The following EYA4 variants were observed in gnomAD, a reference collection of about 807,000 sequenced individuals.
The protein encoded by EYA4 is EYA transcriptional coactivator and phosphatase 4.
A neutral mutation model predicts 87.9 loss-of-function variants in EYA4; 31 were observed. The observed-to-expected ratio is 0.35, with a 90% CI of 0.27 to 0.48. EYA4 has a LOEUF of 0.48. Ranked by LOEUF, EYA4 falls within the 20% of genes least tolerant of loss-of-function variation. EYA4 has a pLI of 0.99. For synonymous variants in EYA4, 263 were observed against 270.6 expected (o/e 0.97, Z 0.28); for missense variants, 678 against 761.4 (o/e 0.89, Z 1.29).
chr6:133,492,412 A>AT (rs1797247875), intron 13 of EYA4, among the ~76,000 whole-genome samples: 1 of 151,488 alleles, frequency 6.6e-6, no homozygotes, highest in Non-Finnish European at 1.5e-5. Flanking sequence ...TCCTTTGCTG[A>AT]TAAAAAAAAT....
intron 1 of EYA4, among the ~76,000 whole-genome samples, chr6:133,241,953 C>T (rs560581849): frequency 7.2e-5 from 11 of 152,282 alleles, no homozygotes; most frequent in African/African-American, 2.4e-4. Context: ...CCTGAGGGCC[C>T]GGGCCGCTCG....
intron 2 of EYA4, chr6:133,360,467 A>T (rs1226893494): frequency 2.0e-5 from 3 of 152,240 alleles, no homozygotes; most frequent in Non-Finnish European, 4.4e-5. Context: ...ACATCTGAGT[A>T]CCTACTGTAT....
intron 13 of EYA4, among the ~76,000 whole-genome samples, chr6:133,501,410 C>T (rs1165896904): frequency 1.3e-5 from 2 of 151,972 alleles, no homozygotes; most frequent in Non-Finnish European, 2.9e-5. Context: ...TAATTAGTCA[C>T]TCAATAAATA....
intron 2 of EYA4, among the ~76,000 whole-genome samples, chr6:133,309,813 C>T (rs79819464): frequency 0.015 from 2,302 of 152,200 alleles, 58 homozygotes; most frequent in East Asian, 0.067. Flanking sequence ...TTGTAATGTA[C>T]GGTCTGTCTG....
intron 3 of EYA4, among the ~76,000 whole-genome samples, chr6:133,435,956 C>T (rs7450660): frequency 6.6e-6 from 1 of 152,132 alleles, no homozygotes; most frequent in African/African-American, 2.4e-5. Context: ...CGCGGTGGCT[C>T]ACACCTGTAA....
chr6:133,254,993 C>T (rs941843262), intron 1 of EYA4, among the ~76,000 whole-genome samples: 4 of 152,158 alleles, frequency 2.6e-5, no homozygotes, highest in Non-Finnish European at 5.9e-5. Flanking sequence ...CACTCATCAG[C>T]GATGTGACTT....
chr6:133,302,497 C>T (rs914900993), intron 2 of EYA4, among the ~76,000 whole-genome samples: 5 of 152,110 alleles, frequency 3.3e-5, no homozygotes, highest in African/African-American at 7.2e-5. Context: ...CTTATTCAGC[C>T]AGAAGCTTTG....
chr6:133,465,589 G>A (rs555078930), intron 10 of EYA4, among the ~76,000 whole-genome samples: 81 of 152,234 alleles, frequency 5.3e-4, no homozygotes, highest in African/African-American at 1.9e-3. Flanking sequence ...CGTGATATAT[G>A]TTGACACTTC....
At chr6:133,373,588 C>T (rs1183844468) in intron 2 of EYA4, among the ~76,000 whole-genome samples, 1 of 151,978 alleles carries the variant, frequency 6.6e-6, no homozygotes, top group Non-Finnish European at 1.5e-5. Context: ...ACCAAATTAA[C>T]ATTATGATCA....
intron 2 of EYA4, among the ~76,000 whole-genome samples, chr6:133,354,956 C>T (rs1239501163): frequency 6.6e-6 from 1 of 152,108 alleles, no homozygotes; most frequent in Non-Finnish European, 1.5e-5. Context: ...TGATTTTCCC[C>T]AGAACTTCTC....
At chr6:133,321,190 C>G (rs1781062608) in intron 2 of EYA4, among the ~76,000 whole-genome samples, 1 of 152,188 alleles carries the variant, frequency 6.6e-6, no homozygotes, top group African/African-American at 2.4e-5. Flanking sequence ...TTGCTACTTA[C>G]TTAACTTTGT....
At position 133,348,304 on chromosome 6, in the gene EYA4, C is replaced by T. The variant is rs190973844; in HGVS notation, c.34-34088C>T. ...TTTTTTTTTTTTGGAGACAGAGTCT[C>T]GCTCTGTTGCCCAGGCTGGAGTGCA... On this transcript the variant is annotated intron_variant, in intron 2 of 19. Transcript: ENST00000355286. 5.1e-3 allele frequency among the ~76,000 whole-genome samples: 605 copies of T among 119,146 alleles called. 5 individuals are homozygous for T. Among genetic ancestry groups the T allele is most frequent in the Non-Finnish European group, 7.2e-3 (446 of 61,712 alleles). 78.2% of individuals were successfully genotyped at this position (119,146 alleles called of 152,430 possible). A position where few individuals can be genotyped will look rare whatever the true frequency, so the allele number is the denominator to read the frequency against.
In EYA4 at chr6:133,268,030, A is replaced by C. The variant is rs576914086; in HGVS notation, c.-65-6686A>C. On this transcript the variant is annotated intron_variant, in intron 1 of 19. Coordinates refer to ENST00000355286, the MANE Select transcript of EYA4 (RefSeq NM_004100.5). ...AATATATAAATAGTTTGGGCATTGAATATGTATACAATAATCCAAAAAACA... is the reference window on the plus strand; with the variant it reads ...AATATATAAATAGTTTGGGCATTGACTATGTATACAATAATCCAAAAAACA... 3.6e-4 allele frequency among the ~76,000 whole-genome samples: 55 copies of C among 152,342 alleles called. 1 individual carries two copies. Among genetic ancestry groups the C allele is most frequent in the Non-Finnish European group, 6.8e-4 (46 of 68,024 alleles).
intron 10 of EYA4, among the ~76,000 whole-genome samples, chr6:133,468,168 C>A (rs1795011461): frequency 6.6e-6 from 1 of 152,068 alleles, no homozygotes. Context: ...GCAGCCCCAA[C>A]TCCTTGCTGG....
chr6:133,509,336 T>C (rs905192442), intron 14 of EYA4, among the ~76,000 whole-genome samples: 6 of 151,918 alleles, frequency 3.9e-5, no homozygotes, highest in Non-Finnish European at 8.8e-5. Context: ...AGAGTAACTC[T>C]AACATTAGCT....
chr6:133,404,790 C>G (rs546837364), intron 3 of EYA4, among the ~76,000 whole-genome samples: 1 of 152,318 alleles, frequency 6.6e-6, no homozygotes, highest in South Asian at 2.1e-4. Flanking sequence ...ACGTGTAGCC[C>G]TGCCTCATCA....
In EYA4 at chr6:133,251,920, G is replaced by A. The variant is rs1774937444; in HGVS notation, c.-66+10171G>A. ...CCTTCCTCCCAAGTTTAAACATGAAGTCAAACAATTCTCATTAGTCTGTGT... is the reference window on the plus strand; with the variant it reads ...CCTTCCTCCCAAGTTTAAACATGAAATCAAACAATTCTCATTAGTCTGTGT... On this transcript the variant is annotated intron_variant, in intron 1 of 19. Transcript: ENST00000355286. Among the ~76,000 whole-genome samples the A allele has an allele frequency of 2.6e-5, 4 of 152,316 alleles. No individual in the cohort carries two copies. The South Asian group carries it at 8.3e-4, about 32-fold the overall frequency.
intron 3 of EYA4, among the ~76,000 whole-genome samples, chr6:133,443,071 ATAT>A (rs1792467068): frequency 6.6e-6 from 1 of 151,994 alleles, no homozygotes; most frequent in African/African-American, 2.4e-5. Context: ...ATATATATCC[ATAT>A]TTTCTTTTCT....
intron 13 of EYA4, among the ~76,000 whole-genome samples, chr6:133,503,207 G>A (rs1798289282): frequency 6.6e-6 from 1 of 152,156 alleles, no homozygotes; most frequent in Admixed American, 6.5e-5. Flanking sequence ...TCCTATCACT[G>A]TTTGGGTAGC....
Sources: gnomAD v4.1 joint callset for allele counts (sites outside exome capture counted in the v4.1 genomes callset) on GRCh38, gnomAD v4.1.1 for gene constraint, MANE v1.5 for transcripts, NCBI Gene and HGNC (gene_info 2026-07-23, HGNC 2026-07-21) for gene names.